ETV7: variants seen among roughly 807,000 people sequenced by gnomAD.
ETV7 encodes ETS variant transcription factor 7, also known as transcription factor ETV7.
A neutral mutation model predicts 39.1 loss-of-function variants in ETV7; 43 were observed. The observed-to-expected ratio is 1.10, with a 90% CI of 0.86 to 1.42. The LOEUF (loss-of-function observed/expected upper bound fraction) is 1.42, where lower values mean the gene tolerates loss of function less well. Ranked by LOEUF, ETV7 falls within the 40% of genes most tolerant of loss-of-function variation. The probability of loss-of-function intolerance (pLI) is 0.00; values close to 1 mark genes in which losing one functional copy is unlikely to be tolerated. For synonymous variants in ETV7, 196 were observed against 176.6 expected, an observed-to-expected ratio of 1.11 and a Z score of -0.87; for missense variants, 432 against 442.3, an observed-to-expected ratio of 0.98 and a Z score of 0.21.
At chr6:36,377,187 G>A (rs565514997) in intron 2 of ETV7, among the ~76,000 whole-genome samples, 71 of 152,280 alleles carry the variant, frequency 4.7e-4, no homozygotes, top group African/African-American at 1.5e-3. Context: ...TACACTGAGC[G>A]TGGTGGCTCC....
chr6:36,378,877 A>C (rs1373567287), intron 2 of ETV7, among the ~76,000 whole-genome samples: 1 of 152,222 alleles, frequency 6.6e-6, no homozygotes, highest in African/African-American at 2.4e-5. Flanking sequence ...CCCCTGTGGC[A>C]CAGCAAATCC....
intron 5 of ETV7, among the ~76,000 whole-genome samples, chr6:36,370,025 A>C (rs1359519829): frequency 6.6e-6 from 1 of 152,314 alleles, no homozygotes; most frequent in East Asian, 1.9e-4. Context: ...GTAACGATCA[A>C]GTCAGGGTAC....
Position 36,368,873 on chromosome 6 carries a change from C to A in ETV7, c.807+56G>T, listed in dbSNP as rs1772853861. 3.1e-6 allele frequency: 5 copies of A among 1,612,116 alleles called. No individual in the cohort carries two copies. In the Admixed American group the frequency reaches 8.3e-5, roughly 27 times the overall value. On this transcript the variant is annotated intron_variant, in intron 6 of 7. Transcript: ENST00000340181. The stretch of plus-strand genomic sequence containing the variant: ...CATAGTGCTAGGGGTCCACTCTGAC[C>A]CCCAACTCTGTCCCCTTCTGGTTAT...
rs187627707 is a variant in ETV7, at chr6:36,373,685, G to A, written c.308-107C>T. 2,089 of 1,306,952 alleles carry A rather than the reference G, an allele frequency of 1.6e-3. 5 individuals are homozygous for A. The highest frequency in any genetic ancestry group is 2.1e-3 in the Admixed American group (57 of 27,442). 81.0% of individuals were successfully genotyped at this position (1,306,952 alleles called of 1,614,324 possible). On this transcript the variant is annotated intron_variant, in intron 3 of 7. Transcript: ENST00000340181. The stretch of plus-strand genomic sequence containing the variant: ...CTCAGGGCAAGGGCTGGCATGTCTT[G>A]TCACAGCTTCATGCCGATGGCAAAG...
At chr6:36,363,146 CTGGTGGGTTCT>C (rs1414656017), downstream of ETV7, among the ~76,000 whole-genome samples, 1 of 152,248 alleles carries the variant, frequency 6.6e-6, no homozygotes. Context: ...GTGTCCAGAA[CTGGTGGGTTCT>C]TGGTCTCACT....
chr6:36,375,802 CG>C (rs897489089), intron 3 of ETV7, 68 bp downstream of exon 3: 3 of 1,608,694 alleles, frequency 1.9e-6, no homozygotes, highest in East Asian at 2.2e-5. Flanking sequence ...CTGGGCCCCC[CG>C]GGGGTACTTG....
chr6:36,377,541 G>C (rs574202820), intron 2 of ETV7, among the ~76,000 whole-genome samples: 1 of 152,260 alleles, frequency 6.6e-6, no homozygotes, highest in East Asian at 1.9e-4. Context: ...AGTTCTACAG[G>C]TAAGAAAGTT....
At chr6:36,362,695 A>G (rs569683984), downstream of ETV7, among the ~76,000 whole-genome samples, 3 of 152,310 alleles carry the variant, frequency 2.0e-5, no homozygotes, top group South Asian at 6.2e-4. Context: ...AGATGGAGAA[A>G]AGGTGGCATG....
chr6:36,375,600 C>T (rs1030155728), intron 3 of ETV7, among the ~76,000 whole-genome samples: 1 of 152,126 alleles, frequency 6.6e-6, no homozygotes, highest in Non-Finnish European at 1.5e-5. Flanking sequence ...GAGACAAGGG[C>T]CACAGATAAA....
chr6:36,362,343 G>A (rs762110068), downstream of ETV7, among the ~76,000 whole-genome samples: 7 of 151,880 alleles, frequency 4.6e-5, no homozygotes, highest in Admixed American at 2.0e-4. Context: ...GGTGCCTGTA[G>A]TCCCAGCTAC....
chr6:36,373,989 C>T (rs1168412851), intron 3 of ETV7, among the ~76,000 whole-genome samples: 1 of 152,154 alleles, frequency 6.6e-6, no homozygotes, highest in Non-Finnish European at 1.5e-5. Context: ...GAAAGTCTGC[C>T]CTGCCTTCTA....
At chr6:36,359,493 G>T (rs1033177616) in intron 7 of ETV7, among the ~76,000 whole-genome samples, 1 of 151,890 alleles carries the variant, frequency 6.6e-6, no homozygotes, top group African/African-American at 2.4e-5. Context: ...AAGAAAGAAA[G>T]GGGACAGTCT....
chr6:36,373,043 G>C (rs996551058), intron 4 of ETV7, among the ~76,000 whole-genome samples: 2 of 151,798 alleles, frequency 1.3e-5, no homozygotes, highest in African/African-American at 2.4e-5. Flanking sequence ...GGAAGCCAAG[G>C]GAAGAAAGAG....
At chr6:36,366,846 C>T in intron 7 of ETV7, 29 bp downstream of exon 7, 2 of 1,613,384 alleles carry the variant, frequency 1.2e-6, no homozygotes, top group Non-Finnish European at 1.7e-6. Flanking sequence ...TTCTGCTTCC[C>T]CTTTCACCAC....
At chr6:36,354,693 A>G (rs528915550) in intron 7 of ETV7, 58 of 697,792 alleles carry the variant, frequency 8.3e-5, no homozygotes, top group South Asian at 4.8e-4. Context: ...CATTTCTGCA[A>G]TAAAAAAAAA....
At chr6:36,375,406 A>G (rs979524444) in intron 3 of ETV7, among the ~76,000 whole-genome samples, 3 of 152,244 alleles carry the variant, frequency 2.0e-5, no homozygotes, top group African/African-American at 4.8e-5. Flanking sequence ...CCATCATCTG[A>G]CATTCATTCC....
intron 4 of ETV7, 22 bp downstream of exon 4, chr6:36,373,431 G>A: frequency 6.6e-7 from 1 of 1,517,858 alleles, no homozygotes; most frequent in Non-Finnish European, 8.8e-7. Context: ...GGTACTCCGA[G>A]CACCACAGAG....
intron 2 of ETV7, among the ~76,000 whole-genome samples, chr6:36,376,780 A>G (rs1582207855): frequency 1.3e-5 from 1 of 75,844 alleles, no homozygotes; most frequent in South Asian, 5.0e-4. Context: ...CCTCTAAAGA[A>G]AAAAAAAAAA....
At chr6:36,385,500 T>A in intron 2 of ETV7, 34 bp downstream of exon 2, 1 of 1,613,974 alleles carries the variant, frequency 6.2e-7, no homozygotes, top group Non-Finnish European at 8.5e-7. Context: ...AATTTACTTT[T>A]AAAAACTCAG....
Sources: allele counts gnomAD v4.1 joint callset (sites outside exome capture counted in the v4.1 genomes callset), GRCh38; gene constraint gnomAD v4.1.1; transcripts MANE v1.5; gene names NCBI Gene and HGNC (gene_info 2026-07-23, HGNC 2026-07-21).